Variants in EIPR1 observed in about 807,000 individuals in gnomAD.
The protein encoded by EIPR1 is EARP complex and GARP complex interacting protein 1.
A neutral mutation model predicts 48.1 loss-of-function variants in EIPR1; 25 were observed. The ratio of observed to expected loss-of-function variants is 0.52; its 90% CI spans 0.38 to 0.73. EIPR1 has a LOEUF of 0.73. EIPR1 is among the 30% of genes least tolerant of loss of function. EIPR1 has a pLI of 0.00. For missense variants in EIPR1, 415 were observed against 506.2 expected, an observed-to-expected ratio of 0.82 and a Z score of 1.73; for synonymous variants, 204 against 201.9, an observed-to-expected ratio of 1.01 and a Z score of -0.09.
intron 3 of EIPR1, among the ~76,000 whole-genome samples, chr2:3,311,552 T>C (rs1669128574): frequency 6.6e-6 from 1 of 152,238 alleles, no homozygotes; most frequent in Non-Finnish European, 1.5e-5. Flanking sequence ...CTTTTTCTTC[T>C]ATTCATTTAG....
intron 7 of EIPR1, among the ~76,000 whole-genome samples, chr2:3,193,413 A>G (rs1216373157): frequency 6.6e-6 from 1 of 152,184 alleles, no homozygotes; most frequent in African/African-American, 2.4e-5. Context: ...TGTGTCACTC[A>G]CACTTGTGTA....
chr2:3,290,678 G>A (rs1668338234), intron 3 of EIPR1, among the ~76,000 whole-genome samples: 2 of 152,196 alleles, frequency 1.3e-5, no homozygotes, highest in South Asian at 4.1e-4. Flanking sequence ...CGGGGGTGTG[G>A]CAGCAAGGGA....
At chr2:3,297,499 G>T (rs1467510305) in intron 3 of EIPR1, among the ~76,000 whole-genome samples, 1 of 152,248 alleles carries the variant, frequency 6.6e-6, no homozygotes, top group Non-Finnish European at 1.5e-5. Flanking sequence ...AGTTTCAGAA[G>T]AGTTGAGCTA....
rs1668182132 is a variant in EIPR1, at chr2:3,286,255, T to A, written c.260-28800A>T. Among the ~76,000 whole-genome samples the A allele has an allele frequency of 6.6e-6, 1 of 152,228 alleles. No individual in the cohort carries two copies. The highest frequency in any genetic ancestry group is 2.4e-5 in the African/African-American group (1 of 41,454). ...TAAAAAAAAATAGGTTGGCCTCATTTACAAACCCAGGGTGATTCGACAACT... is the reference window on the plus strand; with the variant it reads ...TAAAAAAAAATAGGTTGGCCTCATTAACAAACCCAGGGTGATTCGACAACT... On this transcript the variant is annotated intron_variant, in intron 3 of 8. Coordinates refer to ENST00000382125, the MANE Select transcript of EIPR1 (RefSeq NM_003310.5). The surrounding 1 kb of genome is among the most constrained non-coding windows in gnomAD (Gnocchi z 4.2).
chr2:3,307,609 G>A (rs947217300), intron 3 of EIPR1, among the ~76,000 whole-genome samples: 19 of 152,288 alleles, frequency 1.2e-4, no homozygotes, highest in African/African-American at 2.6e-4. Context: ...ACGGAAAGAC[G>A]GCATCCCCAC....
intron 3 of EIPR1, among the ~76,000 whole-genome samples, chr2:3,332,289 CCTG>C (rs1669923798): frequency 6.6e-6 from 1 of 152,202 alleles, no homozygotes; most frequent in Non-Finnish European, 1.5e-5. Flanking sequence ...AAGGTCAAGG[CCTG>C]CTGGCAGCAC....
At chr2:3,292,706 C>T (rs1047843332) in intron 3 of EIPR1, among the ~76,000 whole-genome samples, 2 of 152,154 alleles carry the variant, frequency 1.3e-5, no homozygotes, top group African/African-American at 4.8e-5. Context: ...GAACAGGTGA[C>T]CACCACCAAA....
At chr2:3,244,865 C>T (rs1314845378) in intron 4 of EIPR1, among the ~76,000 whole-genome samples, 1 of 152,204 alleles carries the variant, frequency 6.6e-6, no homozygotes, top group Non-Finnish European at 1.5e-5. Context: ...ACCTAAAACA[C>T]CCATTTGCTT....
At chr2:3,317,371 A>ATG (rs1669342459) in intron 3 of EIPR1, among the ~76,000 whole-genome samples, 3 of 71,042 alleles carry the variant, frequency 4.2e-5, no homozygotes, top group Non-Finnish European at 8.8e-5. Flanking sequence ...AGGAGCGCAC[A>ATG]AGGTGCTGAC....
At chr2:3,369,585 C>A (rs924075506) in intron 1 of EIPR1, among the ~76,000 whole-genome samples, 1 of 152,236 alleles carries the variant, frequency 6.6e-6, no homozygotes, top group African/African-American at 2.4e-5. Flanking sequence ...GAGATTATAT[C>A]CCACACCTGG....
At chr2:3,199,502 C>T (rs990360800) in intron 5 of EIPR1, among the ~76,000 whole-genome samples, 5 of 152,202 alleles carry the variant, frequency 3.3e-5, no homozygotes, top group African/African-American at 7.2e-5. Flanking sequence ...TCCCTCTGTT[C>T]GCAGTCCCTG....
intron 4 of EIPR1, among the ~76,000 whole-genome samples, chr2:3,223,752 T>C (rs532458178): frequency 1.3e-4 from 20 of 152,220 alleles, no homozygotes; most frequent in African/African-American, 4.8e-4. Flanking sequence ...GCTCTCTCTA[T>C]GCTCCTCCTC....
At chr2:3,289,124 T>C (rs2103271107) in intron 3 of EIPR1, among the ~76,000 whole-genome samples, 1 of 152,318 alleles carries the variant, frequency 6.6e-6, no homozygotes, top group East Asian at 1.9e-4. Context: ...CCCCACCGGT[T>C]TCAGGGGAGA....
chr2:3,277,918 C>T (rs1050529015), intron 3 of EIPR1, among the ~76,000 whole-genome samples: 6 of 152,206 alleles, frequency 3.9e-5, no homozygotes, highest in African/African-American at 4.8e-5. Flanking sequence ...TTCCTCGGCC[C>T]GTCCCTGCGT....
chr2:3,335,630 A>T (rs1345197290), intron 3 of EIPR1, among the ~76,000 whole-genome samples: 3 of 152,174 alleles, frequency 2.0e-5, no homozygotes, highest in Non-Finnish European at 4.4e-5. Flanking sequence ...CCCAAATCTC[A>T]TCTCGAATTG....
chr2:3,374,099 G>A (rs1572496385), intron 1 of EIPR1, among the ~76,000 whole-genome samples: 1 of 145,280 alleles, frequency 6.9e-6, no homozygotes, highest in Non-Finnish European at 1.5e-5. Context: ...TCTGATCTTT[G>A]ACAAACCTGA....
chr2:3,360,996 G>A (rs914100266), intron 1 of EIPR1, among the ~76,000 whole-genome samples: 12 of 151,938 alleles, frequency 7.9e-5, no homozygotes, highest in Non-Finnish European at 1.3e-4. Flanking sequence ...AGGAAAGGGG[G>A]CAAAGTCCTA....
chr2:3,311,081 TCA>T (rs1260147130), intron 3 of EIPR1, among the ~76,000 whole-genome samples: 2 of 152,148 alleles, frequency 1.3e-5, no homozygotes, highest in Non-Finnish European at 2.9e-5. Context: ...ACCAGAAATA[TCA>T]CATTGCAATA....
chr2:3,337,954 C>A lies in EIPR1; in HGVS notation c.259+63G>T, dbSNP rs1018878408. On this transcript the variant is annotated intron_variant, in intron 3 of 8. Coordinates refer to ENST00000382125, the MANE Select transcript of EIPR1 (RefSeq NM_003310.5). ...TGTCGACCCATTAGCAATACAAAACCCGTCTTAGGAAATACCTCCAGTTAC... is the reference window on the plus strand; with the variant it reads ...TGTCGACCCATTAGCAATACAAAACACGTCTTAGGAAATACCTCCAGTTAC... The A allele has an allele frequency of 3.3e-6, 5 of 1,531,024 alleles. No individual in the cohort carries two copies. The African/African-American group carries it at 5.6e-5, about 17-fold the overall frequency. 94.8% of individuals were successfully genotyped at this position (1,531,024 alleles called of 1,614,324 possible). A position where few individuals can be genotyped will look rare whatever the true frequency, so the allele number is the denominator to read the frequency against.
Sources: gnomAD v4.1 joint callset for allele counts (sites outside exome capture counted in the v4.1 genomes callset) on GRCh38, gnomAD v4.1.1 for gene constraint, Gnocchi (gnomAD v3.1) non-coding constraint, MANE v1.5 for transcripts, NCBI Gene and HGNC (gene_info 2026-07-23, HGNC 2026-07-21) for gene names.